ARHGAP20: variants seen among roughly 807,000 people sequenced by gnomAD.
The protein encoded by ARHGAP20 is rho GTPase-activating protein 20.
A neutral mutation model predicts 73.7 loss-of-function variants in ARHGAP20; 34 were observed. The observed-to-expected ratio is 0.46, with a 90% CI of 0.35 to 0.61. The LOEUF (loss-of-function observed/expected upper bound fraction) is 0.61. Among genes scored for constraint, ARHGAP20 ranks in the 20% least tolerant of loss-of-function variants. ARHGAP20 has a pLI of 0.00. For missense variants in ARHGAP20, 1,314 were observed against 1,420.9 expected, an observed-to-expected ratio of 0.92 and a Z score of 1.21; for synonymous variants, 523 against 518.2, an observed-to-expected ratio of 1.01 and a Z score of -0.13.
intron 1 of ARHGAP20, among the ~76,000 whole-genome samples, chr11:110,711,220 G>C (rs565778032): frequency 1.1e-4 from 16 of 152,204 alleles, no homozygotes; most frequent in African/African-American, 3.6e-4. Flanking sequence ...CACAGCGGCC[G>C]TGTTTATCGG....
intron 9 of ARHGAP20, among the ~76,000 whole-genome samples, chr11:110,595,115 A>C (rs1287137748): frequency 2.6e-5 from 4 of 151,744 alleles, no homozygotes; most frequent in Non-Finnish European, 4.4e-5. Context: ...AAAAACTCTC[A>C]ATAAATTAGG....
At chr11:110,602,641 G>C (rs1948137645) in intron 9 of ARHGAP20, among the ~76,000 whole-genome samples, 2 of 152,240 alleles carry the variant, frequency 1.3e-5, no homozygotes, top group Admixed American at 1.3e-4. Context: ...ATTAAGAAAG[G>C]GGTCCAGAGA....
rs147768508 is a variant in ARHGAP20 at position 110,579,931 on chromosome 11, T to G, written c.3015A>C (p.Ser1005=). ...CTGGGCGGCTGCAAGCCTGCCCTGA[T>G]GAGGGACCGGGCATTCCGGAAACAT... is the stretch of plus-strand genomic sequence containing the variant. The part of the protein sequence containing the change: ...ASHVSGMPGP[S]SGQACSRPAY... The change falls in exon 15 of 15, where the codon TCA becomes TCC. Residue 1005 remains serine, a synonymous_variant. Transcript: ENST00000683387. The G allele has an allele frequency of 7.4e-6, 12 of 1,614,098 alleles. No individual in the cohort carries two copies. The African/African-American group carries it at 1.5e-4, about 20-fold the overall frequency.
intron 4 of ARHGAP20, among the ~76,000 whole-genome samples, chr11:110,622,054 T>C (rs1243712426): frequency 6.6e-6 from 1 of 152,206 alleles, no homozygotes; most frequent in Non-Finnish European, 1.5e-5. Flanking sequence ...ATACATAGAA[T>C]TTGGAGCTTC....
At chr11:110,632,333 T>C (rs1423449400) in intron 2 of ARHGAP20, among the ~76,000 whole-genome samples, 1 of 152,206 alleles carries the variant, frequency 6.6e-6, no homozygotes, top group Non-Finnish European at 1.5e-5. Flanking sequence ...TCCACGACCT[T>C]GCTAACATTT....
rs757134550 is a variant in ARHGAP20 at position 110,608,970 on chromosome 11, T to C, written c.775+14A>G. 1.9e-6 allele frequency: 3 copies of C among 1,609,724 alleles called. No homozygotes were observed. The highest frequency in any genetic ancestry group is 1.3e-5 in the African/African-American group (1 of 74,726). ...ACACAATCAATGCTATCTTAGACTT[T>C]TGCAAAAACTTACCAATGAGTGGGT... On this transcript the variant is annotated intron_variant, in intron 8 of 14. Coordinates refer to ENST00000683387, the MANE Select transcript of ARHGAP20 (RefSeq NM_001384657.1).
chr11:110,660,226 G>C (rs548939145), intron 2 of ARHGAP20, among the ~76,000 whole-genome samples: 1 of 152,142 alleles, frequency 6.6e-6, no homozygotes, highest in Admixed American at 6.6e-5. Flanking sequence ...TTTCTAACTT[G>C]TTCCAGGTGA....
chr11:110,697,441 G>A (rs554538936), intron 1 of ARHGAP20, among the ~76,000 whole-genome samples: 2 of 150,906 alleles, frequency 1.3e-5, no homozygotes, highest in South Asian at 2.1e-4. Flanking sequence ...TTTTCTTGTC[G>A]AGTTCTTTCA....
At chr11:110,657,729 T>C (rs1949497010) in intron 2 of ARHGAP20, among the ~76,000 whole-genome samples, 1 of 151,896 alleles carries the variant, frequency 6.6e-6, no homozygotes, top group Non-Finnish European at 1.5e-5. Context: ...ACCCCATCTC[T>C]ACGAAAAATA....
rs139127000 is a variant in ARHGAP20, at chr11:110,579,725, G to T, written c.3221C>A (p.Pro1074His). Residue 1074 changes from proline (P) to histidine (H), a missense_variant, in exon 15 of 15, where the codon CCC (proline) becomes CAC (histidine). Pro to His is a moderately conservative substitution (Grantham distance 77, BLOSUM62 -2). Transcript: ENST00000683387. ...TTCTGGAACACCAGAAGCATGTGGG[G>T]GTGGCTCTAAGGGTCCTTTTGGAGA... The part of the protein sequence containing the change: ...IASPKGPLEP[P>H]PHASGVPEAN... 25 of 1,614,042 alleles carry T rather than the reference G, an allele frequency of 1.5e-5. No individual in the cohort carries two copies. The African/African-American group carries it at 3.1e-4, about 20-fold the overall frequency.
chr11:110,587,634 T>C (rs1947705839), intron 11 of ARHGAP20, among the ~76,000 whole-genome samples: 1 of 152,210 alleles, frequency 6.6e-6, no homozygotes, highest in Non-Finnish European at 1.5e-5. Context: ...GTAGAGGACA[T>C]TAGTGAACTG....
In ARHGAP20 at chr11:110,578,879, A is replaced by T; in HGVS notation, c.*491T>A. The stretch of plus-strand genomic sequence containing the variant: ...GCTTAGATTTAGGGAAAGATTTTAT[A>T]TGATGTTCTTCATTACTGGACACAC... On this transcript the variant is annotated 3_prime_UTR_variant, in exon 15 of 15. Coordinates refer to ENST00000683387, the MANE Select transcript of ARHGAP20 (RefSeq NM_001384657.1). 1.0e-6 allele frequency: 1 copy of T among 985,798 alleles called. No individual in the cohort carries two copies. Among genetic ancestry groups the T allele is most frequent in the Non-Finnish European group, 1.2e-6 (1 of 830,114 alleles). The allele number at this position is 985,798 out of a possible 1,614,324, so 61.1% of individuals were successfully genotyped here. A position where few individuals can be genotyped will look rare whatever the true frequency, so the allele number is the denominator to read the frequency against.
intron 9 of ARHGAP20, among the ~76,000 whole-genome samples, chr11:110,596,246 T>C (rs1278494663): frequency 6.7e-6 from 1 of 148,878 alleles, no homozygotes; most frequent in Non-Finnish European, 1.5e-5. Flanking sequence ...AAGGACTTCA[T>C]GTCTAAAACA....
upstream of ARHGAP20, chr11:110,712,653 C>T (rs967448557): frequency 6.6e-6 from 1 of 152,460 alleles, no homozygotes; most frequent in Non-Finnish European, 1.5e-5. Flanking sequence ...GTCTGTGACT[C>T]CGCGTGGGTG....
intron 12 of ARHGAP20, among the ~76,000 whole-genome samples, chr11:110,585,112 AATAT>A (rs554701016): frequency 1.3e-3 from 192 of 150,448 alleles, no homozygotes; most frequent in Non-Finnish European, 2.4e-3. Context: ...AATATATGTG[AATAT>A]ATATGAATAT....
chr11:110,609,820 A>C (rs1239035783), intron 7 of ARHGAP20, among the ~76,000 whole-genome samples: 3 of 152,092 alleles, frequency 2.0e-5, no homozygotes, highest in Admixed American at 2.0e-4. Context: ...ACAATACCAT[A>C]AAAACCATTC....
chr11:110,588,576 A>G (rs1454375771), intron 11 of ARHGAP20, among the ~76,000 whole-genome samples: 2 of 152,220 alleles, frequency 1.3e-5, no homozygotes, highest in African/African-American at 2.4e-5. Context: ...TAAAATGTTA[A>G]TTACTTGGAA....
intron 13 of ARHGAP20, among the ~76,000 whole-genome samples, chr11:110,583,178 G>A (rs974994776): frequency 2.0e-5 from 3 of 152,170 alleles, no homozygotes; most frequent in African/African-American, 4.8e-5. Flanking sequence ...TTTAGATGAG[G>A]ACACTGTGGG....
intron 11 of ARHGAP20, chr11:110,589,659 A>C: frequency 1.0e-6 from 1 of 985,456 alleles, no homozygotes; most frequent in Non-Finnish European, 1.2e-6. Context: ...AATGTAGAGC[A>C]TTTCCAAGAA....
Sources: gnomAD v4.1 joint callset for allele counts (sites outside exome capture counted in the v4.1 genomes callset) on GRCh38, gnomAD v4.1.1 for gene constraint, MANE v1.5 for transcripts, NCBI Gene and HGNC (gene_info 2026-07-23, HGNC 2026-07-21) for gene names.